IVNS1ABP: variants seen among roughly 807,000 people sequenced by gnomAD.
IVNS1ABP encodes the protein influenza virus NS1A-binding protein.
IVNS1ABP carries 25 observed loss-of-function variants against 78.9 expected under a neutral mutation model. The observed-to-expected ratio is 0.32, with a 90% CI of 0.23 to 0.44. The LOEUF is 0.44. Among genes scored for constraint, IVNS1ABP ranks in the 20% least tolerant of loss-of-function variants. The pLI is 1.00. For missense variants in IVNS1ABP, 494 were observed against 768.9 expected (o/e 0.64, Z 4.23); for synonymous variants, 241 against 259.7 (o/e 0.93, Z 0.69).
Position 185,304,303 on chromosome 1 carries a change from C to A in IVNS1ABP, c.765+1233G>T, listed in dbSNP as rs1297608777. ...GGCCTGCCACTTATTGGGCACTCAA[C>A]CTCTGCATGTTGAAAATGTACTTTT... On this transcript the variant is annotated intron_variant, in intron 8 of 14. Coordinates refer to ENST00000367498, the MANE Select transcript of IVNS1ABP (RefSeq NM_006469.5). 2.0e-3 allele frequency among the ~76,000 whole-genome samples: 299 copies of A among 152,086 alleles called. 8 individuals are homozygous for A. The highest frequency in any genetic ancestry group is 1.3e-4 in the Non-Finnish European group (9 of 68,014).
At position 185,300,254 on chromosome 1, in the gene IVNS1ABP, A is replaced by T. The variant is rs1420355135; in HGVS notation, c.1332T>A (p.Ile444=). 5 of 1,613,370 alleles carry T rather than the reference A, an allele frequency of 3.1e-6. No individual in the cohort carries two copies. The highest frequency in any genetic ancestry group is 4.2e-6 in the Non-Finnish European group (5 of 1,179,702). Residue 444 remains isoleucine (I), a synonymous_variant, in exon 12 of 15, where the codon ATT becomes ATA. Coordinates refer to ENST00000367498, the MANE Select transcript of IVNS1ABP (RefSeq NM_006469.5). ...GGTTAGTTCTCAATTCTGGAACAGGAATCCAGTCATCTATGTTTGAATCAT... is the reference window on the plus strand; with the variant it reads ...GGTTAGTTCTCAATTCTGGAACAGGTATCCAGTCATCTATGTTTGAATCAT... ...EMYDSNIDDW[I]PVPELRTNRC...
At chr1:185,315,918 C>G (rs1380537029) in intron 1 of IVNS1ABP, among the ~76,000 whole-genome samples, 5 of 152,176 alleles carry the variant, frequency 3.3e-5, no homozygotes, top group African/African-American at 1.2e-4. Context: ...CTGCACGCTC[C>G]ATCACAAAAA....
chr1:185,316,677 A>T (rs1238298961), intron 1 of IVNS1ABP, among the ~76,000 whole-genome samples: 7 of 152,212 alleles, frequency 4.6e-5, no homozygotes, highest in Non-Finnish European at 1.5e-5. Flanking sequence ...CAGTGTAGCA[A>T]AGGGGCTCCA....
intron 5 of IVNS1ABP, 123 bp from the exon 6 acceptor site, chr1:185,307,785 C>T (rs1367078280): frequency 8.3e-7 from 1 of 1,209,258 alleles, no homozygotes; most frequent in Non-Finnish European, 1.1e-6. Flanking sequence ...CTTAATACAA[C>T]AAATGTTAAT....
At chr1:185,303,452 A>G (rs556628329) in intron 8 of IVNS1ABP, among the ~76,000 whole-genome samples, 5 of 151,846 alleles carry the variant, frequency 3.3e-5, no homozygotes, top group Non-Finnish European at 7.4e-5. Context: ...TCCTTTTTCT[A>G]TTCCTGAAGT....
intron 1 of IVNS1ABP, among the ~76,000 whole-genome samples, chr1:185,311,671 A>G (rs1315601887): frequency 2.6e-5 from 4 of 152,192 alleles, no homozygotes; most frequent in Non-Finnish European, 5.9e-5. Flanking sequence ...TAATATGCAA[A>G]CATGAGATCT....
intron 7 of IVNS1ABP, chr1:185,306,702 T>G: frequency 9.2e-7 from 1 of 1,088,702 alleles, no homozygotes; most frequent in Non-Finnish European, 1.2e-6. Context: ...AGCAAAAACC[T>G]GTGAAGAAAA....
intron 1 of IVNS1ABP, among the ~76,000 whole-genome samples, chr1:185,316,242 C>T (rs541302404): frequency 1.3e-5 from 2 of 152,244 alleles, no homozygotes; most frequent in East Asian, 1.9e-4. Flanking sequence ...CGAGGCGAGG[C>T]CCCCAGCACC....
At chr1:185,299,615 A>G in intron 14 of IVNS1ABP, 95 bp downstream of exon 14, 2 of 1,133,034 alleles carry the variant, frequency 1.8e-6, no homozygotes, top group South Asian at 2.5e-5. Flanking sequence ...TGAATTCTTA[A>G]CTGTACAACT....
intron 7 of IVNS1ABP, 36 bp downstream of exon 7, chr1:185,306,978 T>A (rs1558117740): frequency 6.2e-7 from 1 of 1,602,050 alleles, no homozygotes; most frequent in East Asian, 2.2e-5. Flanking sequence ...AAATAATTTT[T>A]AAAAATGGTT....
rs1002248413 is a variant in IVNS1ABP at position 185,296,524 on chromosome 1, A to ATAGT, written c.*1507_*1510dup. 1 of 152,192 alleles carries ATAGT rather than the reference A, an allele frequency of 6.6e-6. No homozygotes were observed. The highest frequency in any genetic ancestry group is 2.4e-5 in the African/African-American group (1 of 41,460). The allele number at this position is 152,192 out of a possible 1,614,324, so 9.4% of individuals were successfully genotyped here. A position where few individuals can be genotyped will look rare whatever the true frequency, so the allele number is the denominator to read the frequency against. On this transcript the variant is annotated 3_prime_UTR_variant, in exon 15 of 15. Transcript: ENST00000367498. The stretch of plus-strand genomic sequence containing the variant: ...GTTTTAGTCCAGAACCAAACCAGTG[A>ATAGT]TAGTTAGGAATTACAGAGTTACCAA...
chr1:185,298,284 T>A lies in IVNS1ABP; in HGVS notation c.1680A>T (p.Lys560Asn), dbSNP rs1254142447. Residue 560 changes from lysine to asparagine, a missense_variant, in exon 15 of 15, where the codon AAA becomes AAT. Transcript: ENST00000367498. The surrounding 1 kb of genome is among the most constrained non-coding windows in gnomAD (Gnocchi z 4.1). ...RGAGVAVLNG[K>N]LFVCGGFDGS... is the part of the protein sequence containing the mutation. ...CATCAAAGCCACCACATACAAACAG[T>A]TTTCCTAAAAGAGAAATGAGATGGG... 2.5e-6 allele frequency: 4 copies of A among 1,612,520 alleles called. No homozygotes were observed. The highest frequency in any genetic ancestry group is 3.4e-6 in the Non-Finnish European group (4 of 1,179,052).
rs1460827054 is a variant in IVNS1ABP at position 185,298,473 on chromosome 1, A to T, written c.1676-185T>A. ...TCTCTAAGAGCTGGGAATCAAATCAATAAAAAAACCATTCCCACGTGGAAC... is the reference window on the plus strand; with the variant it reads ...TCTCTAAGAGCTGGGAATCAAATCATTAAAAAAACCATTCCCACGTGGAAC... On this transcript the variant is annotated intron_variant, in intron 14 of 14. Coordinates refer to ENST00000367498, the MANE Select transcript of IVNS1ABP (RefSeq NM_006469.5). The surrounding 1 kb of genome is among the most constrained non-coding windows in gnomAD (Gnocchi z 4.1). 5.0e-6 allele frequency: 3 copies of T among 603,606 alleles called. No individual in the cohort carries two copies. The highest frequency in any genetic ancestry group is 8.4e-6 in the Non-Finnish European group (3 of 358,882). 37.4% of individuals were successfully genotyped at this position (603,606 alleles called of 1,614,324 possible).
intron 8 of IVNS1ABP, among the ~76,000 whole-genome samples, chr1:185,301,952 A>C (rs886355656): frequency 6.6e-6 from 1 of 152,132 alleles, no homozygotes; most frequent in Non-Finnish European, 1.5e-5. Flanking sequence ...TTAACCCACT[A>C]TTTTCATGAA....
chr1:185,316,379 C>A (rs1434413318), intron 1 of IVNS1ABP, among the ~76,000 whole-genome samples: 2 of 152,172 alleles, frequency 1.3e-5, no homozygotes, highest in Non-Finnish European at 2.9e-5. Flanking sequence ...CAACGTGGAG[C>A]GGGAACAAAG....
chr1:185,304,346 T>C (rs765081152), intron 8 of IVNS1ABP, among the ~76,000 whole-genome samples: 2 of 152,148 alleles, frequency 1.3e-5, no homozygotes, highest in African/African-American at 2.4e-5. Context: ...TAACTCAAAA[T>C]GTTTAGAGTT....
chr1:185,300,897 C>T lies in IVNS1ABP; in HGVS notation c.1120+75G>A, dbSNP rs1665577524. ...TTGCCGTGAAAGATGGCATATTAAA[C>T]CCTCTCTTTGAAAGTTTGCATGTCA... On this transcript the variant is annotated intron_variant, in intron 10 of 14. Transcript: ENST00000367498. The T allele has an allele frequency of 2.7e-6, 3 of 1,121,314 alleles. No individual in the cohort carries two copies. The Admixed American group carries it at 5.7e-5, about 21-fold the overall frequency. The allele number at this position is 1,121,314 out of a possible 1,614,324, so 69.5% of individuals were successfully genotyped here.
chr1:185,303,504 T>C (rs181830459), intron 8 of IVNS1ABP, among the ~76,000 whole-genome samples: 3 of 152,216 alleles, frequency 2.0e-5, no homozygotes, highest in East Asian at 1.9e-4. Context: ...TCTCTATTCA[T>C]GGCATCACAT....
Position 185,301,033 on chromosome 1 carries a change from A to T in IVNS1ABP, c.1059T>A (p.Pro353=). Residue 353 remains proline, a synonymous_variant, in exon 10 of 15, where the codon CCT becomes CCA. Coordinates refer to ENST00000367498, the MANE Select transcript of IVNS1ABP (RefSeq NM_006469.5). Reference sequence around the variant, plus strand: ...CCAGACCAGATCGTGCGTACTGCATAGGAGACATGGGCTTTTCGATTAGCT... The same window carrying T: ...CCAGACCAGATCGTGCGTACTGCATTGGAGACATGGGCTTTTCGATTAGCT... The part of the protein sequence containing the change: ...QDELIEKPMS[P]MQYARSGLGT... 6.2e-7 allele frequency: 1 copy of T among 1,613,568 alleles called. No individual in the cohort carries two copies. The highest frequency in any genetic ancestry group is 8.5e-7 in the Non-Finnish European group (1 of 1,179,698).
Sources: gnomAD v4.1 joint callset for allele counts (sites outside exome capture counted in the v4.1 genomes callset) on GRCh38, gnomAD v4.1.1 for gene constraint, Gnocchi (gnomAD v3.1) non-coding constraint, MANE v1.5 for transcripts, NCBI Gene and HGNC (gene_info 2026-07-23, HGNC 2026-07-21) for gene names.